GTF3C5: variants seen among roughly 807,000 people sequenced by gnomAD.
GTF3C5 encodes the protein general transcription factor 3C polypeptide 5.
Under a neutral mutation model 61.0 loss-of-function variants are expected in GTF3C5, and 47 were observed. That is an observed-to-expected ratio of 0.77 (90% CI 0.61 to 0.98). GTF3C5 has a LOEUF of 0.98. Among genes scored for constraint, GTF3C5 ranks in the 50% least tolerant of loss-of-function variants. The probability of loss-of-function intolerance (pLI) is 0.00; values close to 1 mark genes in which losing one functional copy is unlikely to be tolerated. For synonymous variants in GTF3C5, 295 were observed against 275.4 expected, an observed-to-expected ratio of 1.07 and a Z score of -0.71; for missense variants, 659 against 703.3, an observed-to-expected ratio of 0.94 and a Z score of 0.71.
At position 133,043,899 on chromosome 9, in the gene GTF3C5, A is replaced by T; in HGVS notation, c.545A>T (p.Tyr182Phe). ...IFSRLDAPVD[Y>F]FYRPETQHRE... is the part of the protein sequence containing the mutation. Reference sequence around the variant, plus strand: ...TCCCGGCTGGACGCCCCGGTGGACTACTTCTACCGACCAGAGACCCAGCAC... The same window carrying T: ...TCCCGGCTGGACGCCCCGGTGGACTTCTTCTACCGACCAGAGACCCAGCAC... Residue 182 changes from tyrosine to phenylalanine, a missense_variant, in exon 3 of 11, where the codon TAC (tyrosine) becomes TTC (phenylalanine). By Grantham distance (22) the Tyr-to-Phe change is conservative. Transcript: ENST00000372097. 6.2e-7 allele frequency: 1 copy of T among 1,613,632 alleles called. No individual in the cohort carries two copies. Among genetic ancestry groups the T allele is most frequent in the Non-Finnish European group, 8.5e-7 (1 of 1,179,660 alleles).
intron 1 of GTF3C5, among the ~76,000 whole-genome samples, chr9:133,040,400 G>A (rs902189928): frequency 2.0e-5 from 3 of 152,200 alleles, no homozygotes; most frequent in South Asian, 4.1e-4. Context: ...TCCAGTGCTC[G>A]TTGTGACCCA....
intron 1 of GTF3C5, among the ~76,000 whole-genome samples, chr9:133,037,194 G>C (rs1849887580): frequency 6.6e-6 from 1 of 152,132 alleles, no homozygotes; most frequent in Admixed American, 6.5e-5. Flanking sequence ...CTCAGACAAG[G>C]GGCATGCCCA....
intron 1 of GTF3C5, among the ~76,000 whole-genome samples, chr9:133,033,741 T>C (rs79535021): frequency 0.021 from 3,132 of 152,298 alleles, 101 homozygotes; most frequent in African/African-American, 0.067. Context: ...TCTGGTCTAC[T>C]GTGTGCACAA....
Position 133,058,048 on chromosome 9 carries a change from T to TCC in GTF3C5, c.*71_*72dup. 1 of 1,594,642 alleles carries TCC rather than the reference T, an allele frequency of 6.3e-7. No individual in the cohort carries two copies. The highest frequency in any genetic ancestry group is 1.1e-5 in the South Asian group (1 of 88,838). On this transcript the variant is annotated 3_prime_UTR_variant, in exon 11 of 11. Transcript: ENST00000372097. ...TCTGGCCTAATGAGGGAGCCGGGGC[T>TCC]CCCCATTGCCACCCACAGTGCCCGG...
intron 1 of GTF3C5, among the ~76,000 whole-genome samples, chr9:133,034,327 G>A (rs1236255958): frequency 1.3e-5 from 2 of 152,148 alleles, no homozygotes; most frequent in Admixed American, 1.3e-4. Flanking sequence ...GACTGTCTGC[G>A]ATATGGACAT....
chr9:133,037,560 C>T (rs922675941), intron 1 of GTF3C5, among the ~76,000 whole-genome samples: 2 of 152,056 alleles, frequency 1.3e-5, no homozygotes, highest in African/African-American at 2.4e-5. Context: ...AATTCCCTTC[C>T]CTTGACCAGA....
At chr9:133,031,363 G>T (rs571121897) in intron 1 of GTF3C5, among the ~76,000 whole-genome samples, 199 bp downstream of exon 1, 3 of 152,202 alleles carry the variant, frequency 2.0e-5, no homozygotes, top group Non-Finnish European at 2.9e-5. Context: ...TTTTTTGTTG[G>T]TTTTTCAGGC....
Position 133,056,786 on chromosome 9 carries a change from G to A in GTF3C5, c.1271G>A (p.Arg424His), listed in dbSNP as rs200358389. The change falls in exon 10 of 11, where the codon CGC (arginine) becomes CAC (histidine). Residue 424 changes from arginine (R) to histidine (H), a missense_variant. Transcript: ENST00000372097. Reference sequence around the variant, plus strand: ...CCCAGGTTGCAGAAGATCATTCACCGCAATGACGGGGCAGAGAATTCCTGC... The same window carrying A: ...CCCAGGTTGCAGAAGATCATTCACCACAATGACGGGGCAGAGAATTCCTGC... ...NVEELQKIIH[R>H]NDGAENSCTE... 1.1e-5 allele frequency: 17 copies of A among 1,606,896 alleles called. No individual in the cohort carries two copies. The highest frequency in any genetic ancestry group is 4.5e-5 in the East Asian group (2 of 44,310).
chr9:133,031,095 G>GT lies in GTF3C5; in HGVS notation c.85dup (p.Tyr29LeufsTer7), dbSNP rs763400645. The GT allele has an allele frequency of 6.2e-7, 1 of 1,607,904 alleles. No individual in the cohort carries two copies. Among genetic ancestry groups the GT allele is most frequent in the African/African-American group, 1.3e-5 (1 of 74,822 alleles). On this transcript the variant is annotated frameshift_variant, in exon 1 of 11. Coordinates refer to ENST00000372097, the MANE Select transcript of GTF3C5 (RefSeq NM_012087.4). LOFTEE classifies it high-confidence loss of function. ...GGGAGCGACGCATGGTGTGCGTGGAGTACCCGGGAGTGGTGCGTGATGTGG... is the reference window on the plus strand; with the variant it reads ...GGGAGCGACGCATGGTGTGCGTGGAGTTACCCGGGAGTGGTGCGTGATGTGG...
rs1319584296 is a variant in GTF3C5, at chr9:133,037,116, C to T, written c.154-4971C>T. ...TGTGAAGTCTTGGGGGAGAACTGTC[C>T]GTCGATACTGTTGCTTCCGTCCGGA... On this transcript the variant is annotated intron_variant, in intron 1 of 10. Transcript: ENST00000372097. Among the ~76,000 whole-genome samples, 7 of 152,096 alleles carry T rather than the reference C, an allele frequency of 4.6e-5. No homozygotes were observed. In the East Asian group the frequency reaches 1.2e-3, roughly 25 times the overall value.
At chr9:133,051,069 G>T (rs568090671) in intron 4 of GTF3C5, 91 bp downstream of exon 4, 4 of 1,029,206 alleles carry the variant, frequency 3.9e-6, no homozygotes, top group Non-Finnish European at 5.6e-6. Flanking sequence ...CTGGCTGTGG[G>T]GTTGGCTGCA....
chr9:133,034,424 G>T (rs1200927469), intron 1 of GTF3C5, among the ~76,000 whole-genome samples: 1 of 152,164 alleles, frequency 6.6e-6, no homozygotes, highest in Non-Finnish European at 1.5e-5. Context: ...AGGGTCAAGG[G>T]ATGGTTAGCC....
chr9:133,050,837 A>G lies in GTF3C5; in HGVS notation c.627A>G (p.Arg209=). 6.2e-7 allele frequency: 1 copy of G among 1,614,088 alleles called. No homozygotes were observed. Among genetic ancestry groups the G allele is most frequent in the African/African-American group, 1.3e-5 (1 of 75,052 alleles). The change falls in exon 4 of 11, where the codon AGA becomes AGG. Residue 209 remains arginine, a synonymous_variant. Coordinates refer to ENST00000372097, the MANE Select transcript of GTF3C5 (RefSeq NM_012087.4). ...ISGENLIGLS[R]ARRPHNAIFV... ...GTGAGAATCTGATTGGCCTGAGCAG[A>G]GCCCGGCGCCCCCACAATGCCATCT...
At chr9:133,048,024 G>T (rs569997650) in intron 3 of GTF3C5, among the ~76,000 whole-genome samples, 5 of 152,178 alleles carry the variant, frequency 3.3e-5, no homozygotes, top group Non-Finnish European at 5.9e-5. Flanking sequence ...AGCTACTTGG[G>T]AAGTTGAGAT....
chr9:133,038,626 T>TTG (rs1849948789), intron 1 of GTF3C5, among the ~76,000 whole-genome samples: 2 of 151,500 alleles, frequency 1.3e-5, no homozygotes, highest in African/African-American at 4.8e-5. Context: ...AATTTTTGTT[T>TTG]TTTTTTTTTT....
intron 1 of GTF3C5, among the ~76,000 whole-genome samples, chr9:133,041,483 C>T (rs374682042): frequency 1.3e-5 from 2 of 152,206 alleles, no homozygotes; most frequent in Admixed American, 6.5e-5. Flanking sequence ...CTGTCTGCCT[C>T]GGCTGCCAGG....
At position 133,031,039 on chromosome 9, in the gene GTF3C5, C is replaced by G; in HGVS notation, c.28C>G (p.Leu10Val). 6.2e-7 allele frequency: 1 copy of G among 1,612,128 alleles called. No homozygotes were observed. Among genetic ancestry groups the G allele is most frequent in the Non-Finnish European group, 8.5e-7 (1 of 1,179,156 alleles). MAAEAADLG[L>V]GAAVPVELRR... Reference sequence around the variant, plus strand: ...GGCGGCGGAGGCGGCCGATTTGGGGCTGGGGGCCGCCGTCCCCGTGGAGCT... The same window carrying G: ...GGCGGCGGAGGCGGCCGATTTGGGGGTGGGGGCCGCCGTCCCCGTGGAGCT... The change falls in exon 1 of 11, where the codon CTG becomes GTG. Residue 10 changes from leucine to valine, a missense_variant. Leu to Val is a conservative substitution (Grantham distance 32). Transcript: ENST00000372097.
chr9:133,044,668 G>A (rs190918089), intron 3 of GTF3C5, among the ~76,000 whole-genome samples: 3 of 152,194 alleles, frequency 2.0e-5, no homozygotes, highest in Admixed American at 6.5e-5. Flanking sequence ...GCTGGAGGTC[G>A]CTTCAGAGAA....
chr9:133,041,641 G>A (rs951081626), intron 1 of GTF3C5, among the ~76,000 whole-genome samples: 10 of 152,112 alleles, frequency 6.6e-5, no homozygotes, highest in South Asian at 2.1e-4. Context: ...ACCGGTCCCC[G>A]CATTTTGGTG....
Sources: allele counts gnomAD v4.1 joint callset (sites outside exome capture counted in the v4.1 genomes callset), GRCh38; gene constraint gnomAD v4.1.1; transcripts MANE v1.5; gene names NCBI Gene and HGNC (gene_info 2026-07-23, HGNC 2026-07-21).